The following HTR4 variants were observed in gnomAD, a reference collection of about 807,000 sequenced individuals.
HTR4 encodes the protein 5-hydroxytryptamine (serotonin) receptor 4, G protein-coupled.
A neutral mutation model predicts 36.8 loss-of-function variants in HTR4; 16 were observed. The ratio of observed to expected loss-of-function variants is 0.43; its 90% CI spans 0.29 to 0.66. The LOEUF (loss-of-function observed/expected upper bound fraction) is 0.66. Among genes scored for constraint, HTR4 ranks in the 30% least tolerant of loss-of-function variants. The probability of loss-of-function intolerance (pLI) is 0.13; values close to 1 mark genes in which losing one functional copy is unlikely to be tolerated. For synonymous variants in HTR4, 189 were observed against 185.1 expected (o/e 1.02, Z -0.17); for missense variants, 438 against 490.9 (o/e 0.89, Z 1.02).
At chr5:148,531,325 G>C (rs1758555098) in intron 4 of HTR4, among the ~76,000 whole-genome samples, 1 of 152,090 alleles carries the variant, frequency 6.6e-6, no homozygotes, top group African/African-American at 2.4e-5. Flanking sequence ...TTTAATCATG[G>C]GGTGGGTGTT....
intron 6 of HTR4, among the ~76,000 whole-genome samples, chr5:148,506,340 G>T (rs10073370): frequency 0.015 from 2,266 of 152,242 alleles, 58 homozygotes; most frequent in African/African-American, 0.052. Context: ...GCTGAAACTG[G>T]ATCCCTTTCT....
chr5:148,633,361 A>G (rs1753396581), intron 2 of HTR4, among the ~76,000 whole-genome samples: 1 of 151,256 alleles, frequency 6.6e-6, no homozygotes, highest in Non-Finnish European at 1.5e-5. Flanking sequence ...AGCGCATTGT[A>G]TGTATCTTAC....
intron 5 of HTR4, among the ~76,000 whole-genome samples, chr5:148,471,580 C>T (rs1357129022): frequency 6.6e-6 from 1 of 152,080 alleles, no homozygotes. Context: ...TCATTGTGCT[C>T]ACAAAAATGG....
intron 6 of HTR4, among the ~76,000 whole-genome samples, chr5:148,499,464 C>T (rs1461797538): frequency 6.6e-6 from 1 of 152,118 alleles, no homozygotes; most frequent in Non-Finnish European, 1.5e-5. Flanking sequence ...ATTTTGCCCC[C>T]ATGGTTGAAT....
At chr5:148,573,338 T>C (rs1302279517) in intron 2 of HTR4, among the ~76,000 whole-genome samples, 2 of 152,066 alleles carry the variant, frequency 1.3e-5, no homozygotes, top group East Asian at 1.9e-4. Context: ...TCCTCAGTAA[T>C]GTAAAACAGC....
Position 148,521,660 on chromosome 5 carries a change from C to T in HTR4, c.507+1533G>A, listed in dbSNP as rs147783982. ...CTCTCTCTCTACACAAACACACACACCCATTAGTTATGTTTATCTGGAGAA... is the reference window on the plus strand; with the variant it reads ...CTCTCTCTCTACACAAACACACACATCCATTAGTTATGTTTATCTGGAGAA... On this transcript the variant is annotated intron_variant, in intron 5 of 6. Transcript: ENST00000377888. 2.6e-3 allele frequency among the ~76,000 whole-genome samples: 399 copies of T among 152,150 alleles called. 1 individual carries two copies. Among genetic ancestry groups the T allele is most frequent in the African/African-American group, 9.2e-3 (380 of 41,516 alleles).
chr5:148,561,414 T>C (rs1760200958), intron 2 of HTR4, among the ~76,000 whole-genome samples: 1 of 152,178 alleles, frequency 6.6e-6, no homozygotes, highest in South Asian at 2.1e-4. Flanking sequence ...CTGCACAGCA[T>C]GTTAATCATT....
chr5:148,653,769 C>T (rs925368600), intron 1 of HTR4, among the ~76,000 whole-genome samples: 3 of 152,204 alleles, frequency 2.0e-5, no homozygotes. Context: ...CATACACAAC[C>T]TCCCTTGTAT....
At chr5:148,531,307 G>T (rs79469443) in intron 4 of HTR4, among the ~76,000 whole-genome samples, 3,064 of 152,204 alleles carry the variant, frequency 0.02, 51 homozygotes, top group Middle Eastern at 0.048. Context: ...AAACCCGGTT[G>T]GAGGTGGTTT....
At chr5:148,469,093 G>A (rs912162242) in intron 5 of HTR4, among the ~76,000 whole-genome samples, 13 of 151,922 alleles carry the variant, frequency 8.6e-5, no homozygotes, top group Non-Finnish European at 1.6e-4. Context: ...TGAAATGGAC[G>A]AATACACTTC....
intron 2 of HTR4, among the ~76,000 whole-genome samples, chr5:148,623,457 G>A (rs371546777): frequency 1.3e-5 from 2 of 152,024 alleles, no homozygotes; most frequent in African/African-American, 4.8e-5. Context: ...AATGAGGGGA[G>A]TAAAGGGGCA....
chr5:148,511,106 A>C (rs1174830796), intron 5 of HTR4, among the ~76,000 whole-genome samples: 1 of 151,930 alleles, frequency 6.6e-6, no homozygotes. Context: ...CTGTGTTGCC[A>C]TTCCTCCTTT....
chr5:148,463,162 T>C (rs1755323836), intron 5 of HTR4, among the ~76,000 whole-genome samples: 1 of 130,190 alleles, frequency 7.7e-6, no homozygotes, highest in Admixed American at 8.1e-5. Context: ...TTTCTTTTTT[T>C]TTCTTTTTTT....
intron 2 of HTR4, among the ~76,000 whole-genome samples, chr5:148,580,321 T>C (rs2127243584): frequency 6.6e-6 from 1 of 152,198 alleles, no homozygotes; most frequent in Admixed American, 6.5e-5. Flanking sequence ...GTATACTTGG[T>C]GAGTTTGAAC....
intron 1 of HTR4, among the ~76,000 whole-genome samples, chr5:148,639,747 C>T (rs1753667152): frequency 6.6e-6 from 1 of 151,258 alleles, no homozygotes; most frequent in African/African-American, 2.4e-5. Context: ...TCAGTGCCCT[C>T]GAGAAATGCC....
chr5:148,511,757 A>G lies in HTR4; in HGVS notation c.508-1733T>C, dbSNP rs193277040. The stretch of plus-strand genomic sequence containing the variant: ...GTTCCCAAAGGGACTGTATCAATTT[A>G]TATTTCCACCACGAGAGCAGGAGAG... On this transcript the variant is annotated intron_variant, in intron 5 of 6. Coordinates refer to ENST00000377888, the MANE Select transcript of HTR4 (RefSeq NM_000870.7). Among the ~76,000 whole-genome samples the G allele has an allele frequency of 2.6e-5, 4 of 152,182 alleles. No homozygotes were observed. In the South Asian group the frequency reaches 6.2e-4, roughly 24 times the overall value.
intron 2 of HTR4, among the ~76,000 whole-genome samples, chr5:148,597,262 T>A (rs1337654678): frequency 6.6e-6 from 1 of 152,220 alleles, no homozygotes; most frequent in Non-Finnish European, 1.5e-5. Flanking sequence ...ATAGGATGCA[T>A]GTCATATTCA....
chr5:148,577,093 C>T (rs1760954720), intron 2 of HTR4, among the ~76,000 whole-genome samples: 2 of 151,938 alleles, frequency 1.3e-5, no homozygotes, highest in African/African-American at 2.4e-5. Flanking sequence ...GGTCCAATAT[C>T]CAACATTTAA....
intron 2 of HTR4, among the ~76,000 whole-genome samples, chr5:148,553,649 A>G (rs1313595015): frequency 6.6e-6 from 1 of 152,224 alleles, no homozygotes; most frequent in Non-Finnish European, 1.5e-5. Flanking sequence ...GTTTAAGAAT[A>G]CCAGAATGGC....
Sources: allele counts gnomAD v4.1 joint callset (sites outside exome capture counted in the v4.1 genomes callset), GRCh38; gene constraint gnomAD v4.1.1; transcripts MANE v1.5; gene names NCBI Gene and HGNC (gene_info 2026-07-23, HGNC 2026-07-21).